The following PPARGC1A variants were observed in gnomAD, a reference collection of about 807,000 sequenced individuals.
The protein encoded by PPARGC1A is PPARG coactivator 1 alpha.
Under a neutral mutation model 88.7 loss-of-function variants are expected in PPARGC1A, and 25 were observed. That is an observed-to-expected ratio of 0.28 (90% CI 0.21 to 0.39). PPARGC1A has a LOEUF of 0.39. Among genes scored for constraint, PPARGC1A ranks in the 10% least tolerant of loss-of-function variants. The pLI is 1.00. For missense variants in PPARGC1A, 880 were observed against 968.7 expected (o/e 0.91, Z 1.22); for synonymous variants, 363 against 355.6 (o/e 1.02, Z -0.24).
At chr4:24,172,615 T>A in the PPARGC1A span, among the ~76,000 whole-genome samples, 2 of 152,218 alleles carry the variant, frequency 1.3e-5, no homozygotes, top group East Asian at 1.9e-4. Context: ...AATGTGCTCA[T>A]GGGCTGAATG....
At chr4:24,221,413 A>G in the PPARGC1A span, among the ~76,000 whole-genome samples, 22 of 152,336 alleles carry the variant, frequency 1.4e-4, no homozygotes, top group Admixed American at 1.4e-3. Context: ...CAACTTGTCA[A>G]AGGTCACAGA....
chr4:23,913,892 A>G, the PPARGC1A span, among the ~76,000 whole-genome samples: 7 of 152,198 alleles, frequency 4.6e-5, no homozygotes, highest in Non-Finnish European at 1.0e-4. Context: ...CGTGCCTTCC[A>G]CATTCTACAG....
chr4:24,019,689 A>C, the PPARGC1A span, among the ~76,000 whole-genome samples: 2 of 152,234 alleles, frequency 1.3e-5, no homozygotes, highest in Non-Finnish European at 2.9e-5. Flanking sequence ...ACACCTCAGA[A>C]AATGGGGCTA....
At chr4:23,845,337 A>G (rs1293483032) in intron 2 of PPARGC1A, among the ~76,000 whole-genome samples, 1 of 152,136 alleles carries the variant, frequency 6.6e-6, no homozygotes, top group Non-Finnish European at 1.5e-5. Context: ...ACAGAGGTCA[A>G]TGCTATTTGT....
the PPARGC1A span, among the ~76,000 whole-genome samples, chr4:23,932,975 T>C: frequency 2.0e-5 from 3 of 152,136 alleles, no homozygotes; most frequent in East Asian, 1.9e-4. Flanking sequence ...TGTTGTCCAG[T>C]TGGGCAGAGT....
chr4:24,064,655 C>A, the PPARGC1A span, among the ~76,000 whole-genome samples: 3 of 152,058 alleles, frequency 2.0e-5, no homozygotes, highest in East Asian at 5.9e-4. Flanking sequence ...CCCAGCAGCC[C>A]CTTGTCCTTT....
chr4:24,168,101 C>T, the PPARGC1A span, among the ~76,000 whole-genome samples: 1 of 152,182 alleles, frequency 6.6e-6, no homozygotes, highest in African/African-American at 2.4e-5. Flanking sequence ...ATACATAATG[C>T]TATCACACAC....
chr4:24,467,575 G>T, the PPARGC1A span, among the ~76,000 whole-genome samples: 3 of 151,974 alleles, frequency 2.0e-5, no homozygotes, highest in Admixed American at 6.6e-5. Context: ...AATTCTTTAT[G>T]GTATTTGGAC....
the PPARGC1A span, among the ~76,000 whole-genome samples, chr4:24,446,591 ATT>A: frequency 0.021 from 2,799 of 134,802 alleles, 35 homozygotes; most frequent in South Asian, 0.045. Context: ...AAAACACTGA[ATT>A]TTTTTTTTTT....
the PPARGC1A span, among the ~76,000 whole-genome samples, chr4:23,926,561 T>G: frequency 6.6e-6 from 1 of 152,346 alleles, no homozygotes; most frequent in African/African-American, 2.4e-5. Context: ...GAAGGTCTTC[T>G]CTGAGCTGGC....
intron 2 of PPARGC1A, among the ~76,000 whole-genome samples, chr4:23,852,006 C>T (rs778952497): frequency 1.2e-4 from 18 of 152,180 alleles, no homozygotes; most frequent in Non-Finnish European, 2.2e-4. Context: ...AGCTGGTCCA[C>T]AACCAAGAGT....
the PPARGC1A span, among the ~76,000 whole-genome samples, chr4:24,229,679 A>G: frequency 6.6e-6 from 1 of 151,702 alleles, no homozygotes; most frequent in Non-Finnish European, 1.5e-5. Context: ...CATAAAATAA[A>G]GAATAATAAT....
chr4:24,205,863 C>G, the PPARGC1A span, among the ~76,000 whole-genome samples: 1 of 152,148 alleles, frequency 6.6e-6, no homozygotes, highest in Non-Finnish European at 1.5e-5. Context: ...TCAAATAATC[C>G]ATATTCAGTA....
chr4:23,873,688 A>G (rs6838600), intron 2 of PPARGC1A, among the ~76,000 whole-genome samples: 96,546 of 152,040 alleles, frequency 0.64, 31,134 homozygotes, highest in Middle Eastern at 0.7. Flanking sequence ...CTAATGCTCT[A>G]GTAATACATT....
At chr4:24,355,580 C>T in the PPARGC1A span, among the ~76,000 whole-genome samples, 1 of 152,162 alleles carries the variant, frequency 6.6e-6, no homozygotes, top group Non-Finnish European at 1.5e-5. Context: ...AAGCTTACCA[C>T]TTTCTAACGC....
the PPARGC1A span, among the ~76,000 whole-genome samples, chr4:24,142,482 T>C: frequency 6.6e-6 from 1 of 151,836 alleles, no homozygotes; most frequent in East Asian, 1.9e-4. Flanking sequence ...GAGACTAGCA[T>C]GGGCAACATG....
At chr4:24,039,298 G>A in the PPARGC1A span, among the ~76,000 whole-genome samples, 3 of 152,014 alleles carry the variant, frequency 2.0e-5, no homozygotes, top group Non-Finnish European at 2.9e-5. Context: ...TTACACCACC[G>A]AGTAATTGAA....
intron 2 of PPARGC1A, among the ~76,000 whole-genome samples, chr4:23,833,893 G>A (rs1245771550): frequency 1.3e-5 from 2 of 152,198 alleles, no homozygotes; most frequent in African/African-American, 2.4e-5. Context: ...TGCAGGGCAC[G>A]GTGGCTCATG....
chr4:24,174,181 G>A, the PPARGC1A span, among the ~76,000 whole-genome samples: 2 of 152,184 alleles, frequency 1.3e-5, no homozygotes, highest in African/African-American at 2.4e-5. Context: ...CAAGGGCCCT[G>A]TAAATGGGAC....
Sources: allele counts gnomAD v4.1 joint callset (sites outside exome capture counted in the v4.1 genomes callset), GRCh38; gene constraint gnomAD v4.1.1; transcripts MANE v1.5; gene names NCBI Gene and HGNC (gene_info 2026-07-23, HGNC 2026-07-21).